Variants in RNF146 observed in about 807,000 individuals in gnomAD.
RNF146 encodes the protein E3 ubiquitin-protein ligase RNF146.
RNF146 carries 11 observed loss-of-function variants against 29.7 expected under a neutral mutation model. That is an observed-to-expected ratio of 0.37 (90% confidence interval 0.23 to 0.61). The LOEUF (loss-of-function observed/expected upper bound fraction) is 0.61. Among genes scored for constraint, RNF146 ranks in the 20% least tolerant of loss-of-function variants. The pLI is 0.66. For synonymous variants in RNF146, 150 were observed against 159.7 expected, an observed-to-expected ratio of 0.94 and a Z score of 0.46; for missense variants, 342 against 438.9, an observed-to-expected ratio of 0.78 and a Z score of 1.97.
In RNF146 at chr6:127,280,355, A is replaced by G; in HGVS notation, c.2+15A>G. On this transcript the variant is annotated intron_variant, in intron 2 of 2. Transcript: ENST00000368314. Reference sequence around the variant, plus strand: ...GTAATAGAAATGTAAGTGTAGCATCATGGTTTTTTTCAGTGCTGCAGTAAA... The same window carrying G: ...GTAATAGAAATGTAAGTGTAGCATCGTGGTTTTTTTCAGTGCTGCAGTAAA... 6.5e-7 allele frequency: 1 copy of G among 1,546,874 alleles called. No individual in the cohort carries two copies. The highest frequency in any genetic ancestry group is 8.7e-7 in the Non-Finnish European group (1 of 1,144,512).
chr6:127,271,752 G>C (rs1334379072), intron 1 of RNF146, among the ~76,000 whole-genome samples: 4 of 152,136 alleles, frequency 2.6e-5, no homozygotes, highest in East Asian at 1.9e-4. Flanking sequence ...TACTGAAGCA[G>C]TAATGTAGAA....
chr6:127,278,688 A>G (rs1778556341), intron 1 of RNF146, among the ~76,000 whole-genome samples: 1 of 152,006 alleles, frequency 6.6e-6, no homozygotes, highest in South Asian at 2.1e-4. Context: ...TATCCCTGGG[A>G]GTGGCATTGC....
chr6:127,269,285 A>C (rs1777118276), intron 1 of RNF146, among the ~76,000 whole-genome samples: 2 of 152,238 alleles, frequency 1.3e-5, no homozygotes, highest in Non-Finnish European at 2.9e-5. Flanking sequence ...AGAATTATAG[A>C]GTAGGATGAG....
intron 1 of RNF146, among the ~76,000 whole-genome samples, chr6:127,272,417 G>A (rs1297099616): frequency 6.6e-6 from 1 of 152,078 alleles, no homozygotes; most frequent in Non-Finnish European, 1.5e-5. Flanking sequence ...TCCTTCCCCA[G>A]CATTTATCCA....
In RNF146 at chr6:127,286,724, T is replaced by C; in HGVS notation, c.111T>C (p.Cys37=). ...NTAPSLTVPE[C]AICLQTCVHP... is the part of the protein sequence containing the mutation. ...CACCTTCTTTAACCGTCCCTGAATGTGCCATTTGTCTGCAAACATGTGTTC... is the reference window on the plus strand; with the variant it reads ...CACCTTCTTTAACCGTCCCTGAATGCGCCATTTGTCTGCAAACATGTGTTC... The change falls in exon 3 of 3, where the codon TGT becomes TGC. Residue 37 remains cysteine, a synonymous_variant. Transcript: ENST00000368314. The surrounding 1 kb of genome is among the most constrained non-coding windows in gnomAD (Gnocchi z 4.6). 6.2e-7 allele frequency: 1 copy of C among 1,613,470 alleles called. No homozygotes were observed.
chr6:127,270,474 G>A (rs564966205), intron 1 of RNF146, among the ~76,000 whole-genome samples: 2 of 152,084 alleles, frequency 1.3e-5, no homozygotes, highest in Non-Finnish European at 2.9e-5. Flanking sequence ...AAATCATACT[G>A]TTCTGTTTTA....
intron 2 of RNF146, among the ~76,000 whole-genome samples, chr6:127,284,799 G>C (rs955890647): frequency 1.3e-5 from 2 of 151,850 alleles, no homozygotes; most frequent in Non-Finnish European, 2.9e-5. Flanking sequence ...TATCCAACTT[G>C]TGGGCCACAT....
Position 127,286,549 on chromosome 6 carries a change from T to A in RNF146, c.3-67T>A. The A allele has an allele frequency of 7.2e-7, 1 of 1,390,918 alleles. No individual in the cohort carries two copies. Among genetic ancestry groups the A allele is most frequent in the Non-Finnish European group, 9.8e-7 (1 of 1,020,236 alleles). The allele number at this position is 1,390,918 out of a possible 1,614,324, so 86.2% of individuals were successfully genotyped here. On this transcript the variant is annotated intron_variant, in intron 2 of 2. Transcript: ENST00000368314. This position sits in a 1 kb window ranked among gnomAD's most constrained non-coding sequence, Gnocchi z 4.6. ...ACATCATAGGTGGTTAGTGTTTTCA[T>A]AATTGTTAAATTAAGATATTGCAAG...
At chr6:127,269,875 G>A (rs1562277607) in intron 1 of RNF146, among the ~76,000 whole-genome samples, 1 of 152,046 alleles carries the variant, frequency 6.6e-6, no homozygotes. Context: ...ATTTCATGTA[G>A]AACATTTACT....
rs758149297 is a variant in RNF146, at chr6:127,287,165, C to T, written c.552C>T (p.Asp184=). 3.2e-5 allele frequency: 51 copies of T among 1,613,190 alleles called. No individual in the cohort carries two copies. Among genetic ancestry groups the T allele is most frequent in the Non-Finnish European group, 4.1e-5 (48 of 1,179,598 alleles). ...PKKGVAGLRL[D]CDANTVNLAR... ...AGGGAGTAGCTGGACTTAGGCTAGACTGTGATGCTAATACCGTAAACCTAG... is the reference window on the plus strand; with the variant it reads ...AGGGAGTAGCTGGACTTAGGCTAGATTGTGATGCTAATACCGTAAACCTAG... The change falls in exon 3 of 3, where the codon GAC becomes GAT. Residue 184 remains aspartate (D), a synonymous_variant. Coordinates refer to ENST00000368314, the MANE Select transcript of RNF146 (RefSeq NM_001242850.2).
At position 127,287,052 on chromosome 6, in the gene RNF146, G is replaced by A; in HGVS notation, c.439G>A (p.Ala147Thr). The part of the protein sequence containing the change: ...EMLIAGFLYV[A>T]DLENMVQYRR... ...GTTAATTGCTGGCTTTCTGTATGTC[G>A]CTGATCTTGAAAACATGGTTCAATA... The change falls in exon 3 of 3, where the codon GCT becomes ACT. Residue 147 changes from alanine to threonine, a missense_variant. Physicochemically the swap from Ala to Thr is moderately conservative, Grantham distance 58. Around this residue, in one of 6 missense-constraint regions of RNF146, gnomAD observed 2 missense variants for 25.2 expected, o/e 0.08. Transcript: ENST00000368314. 1.9e-6 allele frequency: 3 copies of A among 1,613,348 alleles called. No individual in the cohort carries two copies. Among genetic ancestry groups the A allele is most frequent in the Non-Finnish European group, 1.7e-6 (2 of 1,179,656 alleles).
rs1779739645 is a variant in RNF146, at chr6:127,287,884, G to T, written c.*191G>T. Reference sequence around the variant, plus strand: ...AAATTTATTTAATGTAAGGAACTTGGGTGTTAATAGTTGAGAGCTGTTTAG... The same window carrying T: ...AAATTTATTTAATGTAAGGAACTTGTGTGTTAATAGTTGAGAGCTGTTTAG... On this transcript the variant is annotated 3_prime_UTR_variant, in exon 3 of 3. Transcript: ENST00000368314. The T allele has an allele frequency of 6.1e-6, 3 of 489,050 alleles. No individual in the cohort carries two copies. The highest frequency in any genetic ancestry group is 1.1e-5 in the Non-Finnish European group (3 of 266,768). The allele number at this position is 489,050 out of a possible 1,614,324, so 30.3% of individuals were successfully genotyped here.
chr6:127,279,662 C>A (rs1396193202), intron 1 of RNF146, among the ~76,000 whole-genome samples: 1 of 151,794 alleles, frequency 6.6e-6, no homozygotes, highest in Non-Finnish European at 1.5e-5. Context: ...TATGTTGAAT[C>A]TGTAGATCAC....
chr6:127,272,812 C>A (rs1007546625), intron 1 of RNF146, among the ~76,000 whole-genome samples: 6 of 152,152 alleles, frequency 3.9e-5, no homozygotes, highest in African/African-American at 1.4e-4. Context: ...TTGACTTCCC[C>A]AAAATTTAAC....
chr6:127,282,125 A>C (rs1582891407), intron 2 of RNF146, among the ~76,000 whole-genome samples: 1 of 151,780 alleles, frequency 6.6e-6, no homozygotes, highest in African/African-American at 2.4e-5. Flanking sequence ...CACCACACAA[A>C]AGTGAATTGT....
intron 1 of RNF146, among the ~76,000 whole-genome samples, chr6:127,277,082 A>C (rs560575700): frequency 1.3e-5 from 2 of 152,140 alleles, no homozygotes; most frequent in East Asian, 3.9e-4. Context: ...TCATGTCAGG[A>C]GTTAGGATGA....
rs879116075 is a variant in RNF146, at chr6:127,287,985, T to C, written c.*292T>C. The C allele has an allele frequency of 4.2e-5, 10 of 236,508 alleles. No individual in the cohort carries two copies. The South Asian group carries it at 5.9e-4, about 14-fold the overall frequency. 14.7% of individuals were successfully genotyped at this position (236,508 alleles called of 1,614,324 possible). A position where few individuals can be genotyped will look rare whatever the true frequency, so the allele number is the denominator to read the frequency against. On this transcript the variant is annotated 3_prime_UTR_variant, in exon 3 of 3. Transcript: ENST00000368314. ...TCTGTAGTTCTTTTGGCCAGTGTGT[T>C]TGTATTATCTGTGCATTAATGGTCC...
intron 1 of RNF146, among the ~76,000 whole-genome samples, chr6:127,273,069 C>CTT (rs3055106): frequency 0.73 from 110,823 of 151,822 alleles, 40,615 homozygotes; most frequent in East Asian, 0.78. Flanking sequence ...AATGGCATGA[C>CTT]TTCTTGGCTT....
intron 1 of RNF146, among the ~76,000 whole-genome samples, chr6:127,272,145 T>G (rs1211865259): frequency 6.6e-6 from 1 of 152,214 alleles, no homozygotes; most frequent in Non-Finnish European, 1.5e-5. Context: ...TTTAACTTCC[T>G]GAGCTTAGGC....
Sources: gnomAD v4.1 joint callset for allele counts (sites outside exome capture counted in the v4.1 genomes callset) on GRCh38, gnomAD v4.1.1 for gene constraint, gnomAD v4.1.1 regional missense constraint, Gnocchi (gnomAD v3.1) non-coding constraint, MANE v1.5 for transcripts, NCBI Gene and HGNC (gene_info 2026-07-23, HGNC 2026-07-21) for gene names.